CREB3L2: variants seen among roughly 807,000 people sequenced by gnomAD.
CREB3L2 encodes cyclic AMP-responsive element-binding protein 3-like protein 2.
CREB3L2 carries 23 observed loss-of-function variants against 57.2 expected under a neutral mutation model. The observed-to-expected ratio is 0.40, with a 90% CI of 0.29 to 0.57. The LOEUF (loss-of-function observed/expected upper bound fraction) is 0.57. CREB3L2 is among the 20% of genes least tolerant of loss of function. The probability of loss-of-function intolerance (pLI) is 0.42; values close to 1 mark genes in which losing one functional copy is unlikely to be tolerated. For missense variants in CREB3L2, 628 were observed against 634.7 expected (o/e 0.99, Z 0.11); for synonymous variants, 268 against 265.1 (o/e 1.01, Z -0.11).
In CREB3L2 at chr7:137,932,778, T is replaced by C. The variant is rs568909446; in HGVS notation, c.103-4412A>G. On this transcript the variant is annotated intron_variant, in intron 1 of 11. Transcript: ENST00000330387. Reference sequence around the variant, plus strand: ...GAAGATTCAAGGATTTTGCAGCTACTGTGTGTTAAACTTCAGACAGACGCT... The same window carrying C: ...GAAGATTCAAGGATTTTGCAGCTACCGTGTGTTAAACTTCAGACAGACGCT... 2.3e-4 allele frequency among the ~76,000 whole-genome samples: 35 copies of C among 152,352 alleles called. No homozygotes were observed. The East Asian group carries it at 2.5e-3, about 11-fold the overall frequency.
intron 1 of CREB3L2, among the ~76,000 whole-genome samples, chr7:137,930,378 G>A (rs187302684): frequency 6.6e-6 from 1 of 152,308 alleles, no homozygotes; most frequent in East Asian, 1.9e-4. Flanking sequence ...GGCAAATAAT[G>A]AGGCTTGGGG....
intron 1 of CREB3L2, among the ~76,000 whole-genome samples, chr7:137,942,888 T>C (rs1800900718): frequency 6.6e-6 from 1 of 152,158 alleles, no homozygotes; most frequent in Admixed American, 6.5e-5. Context: ...CTGTTACCTA[T>C]AAAGCCAATG....
In CREB3L2 at chr7:137,928,381, G is replaced by A; in HGVS notation, c.103-15C>T. The A allele has an allele frequency of 6.2e-7, 1 of 1,606,554 alleles. No homozygotes were observed. The highest frequency in any genetic ancestry group is 8.5e-7 in the Non-Finnish European group (1 of 1,173,920). On this transcript the variant is annotated splice_polypyrimidine_tract_variant and intron_variant, in intron 1 of 11. Coordinates refer to ENST00000330387, the MANE Select transcript of CREB3L2 (RefSeq NM_194071.4). ...TCTGAGAAGTGCTACAAGAAACAAA[G>A]GAGGAAGAACTCAGTTTCTCTTAAC...
At chr7:137,963,014 C>G (rs975276595) in intron 1 of CREB3L2, among the ~76,000 whole-genome samples, 2 of 151,994 alleles carry the variant, frequency 1.3e-5, no homozygotes, top group African/African-American at 4.8e-5. Context: ...CCCAGCAGTC[C>G]CTCTCAGCTT....
chr7:137,962,070 A>T (rs1466288821), intron 1 of CREB3L2, among the ~76,000 whole-genome samples: 1 of 152,156 alleles, frequency 6.6e-6, no homozygotes, highest in African/African-American at 2.4e-5. Flanking sequence ...CGAAGTCAGG[A>T]CCAATGTCAG....
intron 1 of CREB3L2, among the ~76,000 whole-genome samples, chr7:137,972,732 TATATAG>T (rs1386224533): frequency 1.1e-3 from 29 of 26,798 alleles, no homozygotes; most frequent in African/African-American, 2.0e-3. Flanking sequence ...TATATATATA[TATATAG>T]AGAGAGAGAG....
chr7:137,905,244 T>A (rs1799859418), intron 6 of CREB3L2, among the ~76,000 whole-genome samples: 1 of 149,828 alleles, frequency 6.7e-6, no homozygotes, highest in Non-Finnish European at 1.5e-5. Context: ...AAAAAAAAAA[T>A]TAACCAAGCA....
chr7:137,979,513 CAGG>C (rs1801674569), intron 1 of CREB3L2, among the ~76,000 whole-genome samples: 2 of 152,264 alleles, frequency 1.3e-5, no homozygotes, highest in East Asian at 3.9e-4. Flanking sequence ...ATCACGAGGT[CAGG>C]AGATCGAGAC....
At chr7:137,983,710 T>C (rs1432664234) in intron 1 of CREB3L2, among the ~76,000 whole-genome samples, 2 of 152,238 alleles carry the variant, frequency 1.3e-5, no homozygotes, top group African/African-American at 2.4e-5. Context: ...TCTTCATTGT[T>C]CGCATACCTC....
chr7:137,986,182 G>A lies in CREB3L2; in HGVS notation c.102+15422C>T, dbSNP rs142102045. Among the ~76,000 whole-genome samples the A allele has an allele frequency of 2.3e-4, 35 of 152,338 alleles. No individual in the cohort carries two copies. In the East Asian group the frequency reaches 6.0e-3, roughly 26 times the overall value. ...ATTGTAAGCCTAGACTCATTCATTT[G>A]TTCATCCATTCATTCACCAAACATT... On this transcript the variant is annotated intron_variant, in intron 1 of 11. Coordinates refer to ENST00000330387, the MANE Select transcript of CREB3L2 (RefSeq NM_194071.4).
At chr7:137,985,981 T>G (rs2117320907) in intron 1 of CREB3L2, among the ~76,000 whole-genome samples, 1 of 152,320 alleles carries the variant, frequency 6.6e-6, no homozygotes, top group Middle Eastern at 3.4e-3. Flanking sequence ...ATTTTCTTCC[T>G]AGGCCTCTCA....
At chr7:137,948,575 G>A (rs1452783183) in intron 1 of CREB3L2, among the ~76,000 whole-genome samples, 1 of 152,150 alleles carries the variant, frequency 6.6e-6, no homozygotes, top group Non-Finnish European at 1.5e-5. Context: ...TTAACAGAAG[G>A]AAACAGGATA....
chr7:137,892,067 T>C (rs1328039512), intron 8 of CREB3L2, among the ~76,000 whole-genome samples: 1 of 152,188 alleles, frequency 6.6e-6, no homozygotes. Flanking sequence ...GAGCAGTCAT[T>C]TCCAAATTCC....
intron 1 of CREB3L2, among the ~76,000 whole-genome samples, chr7:137,977,721 G>A (rs1205670567): frequency 6.6e-6 from 1 of 152,124 alleles, no homozygotes; most frequent in Non-Finnish European, 1.5e-5. Flanking sequence ...AGGAGTTCGA[G>A]GCCAGCCTGG....
chr7:138,001,635 GGCTCTGACA>G lies in CREB3L2; in HGVS notation c.62_70del (p.Leu21_Glu23del). On this transcript the variant is annotated inframe_deletion, in exon 1 of 12. Coordinates refer to ENST00000330387, the MANE Select transcript of CREB3L2 (RefSeq NM_194071.4). The surrounding 1 kb of genome is among the most constrained non-coding windows in gnomAD (Gnocchi z 4.2). ...GTACATGAGGGCCTCGCCGTCCCCG[GGCTCTGACA>G]GCTCGCTCAGCTTGCGGTCCCACTG... 1 of 1,613,402 alleles carries G rather than the reference GGCTCTGACA, an allele frequency of 6.2e-7. No homozygotes were observed. Among genetic ancestry groups the G allele is most frequent in the Non-Finnish European group, 8.5e-7 (1 of 1,179,762 alleles).
chr7:137,958,194 A>G (rs1223373391), intron 1 of CREB3L2, among the ~76,000 whole-genome samples: 1 of 152,238 alleles, frequency 6.6e-6, no homozygotes, highest in Non-Finnish European at 1.5e-5. Context: ...TACCCAAGGC[A>G]CACAAGCCCA....
chr7:137,884,901 G>C, intron 10 of CREB3L2, 94 bp downstream of exon 10: 1 of 1,527,984 alleles, frequency 6.5e-7, no homozygotes, highest in Non-Finnish European at 9.1e-7. Flanking sequence ...TTTAAACATT[G>C]GACTTTCACA....
Position 137,946,288 on chromosome 7 carries a change from T to A in CREB3L2, c.103-17922A>T, listed in dbSNP as rs191579216. Among the ~76,000 whole-genome samples, 555 of 152,270 alleles carry A rather than the reference T, an allele frequency of 3.6e-3. 2 individuals carry two copies. The highest frequency in any genetic ancestry group is 5.4e-3 in the Non-Finnish European group (368 of 68,028). ...TTGAAGGTCTCAATTCAGTTGACTC[T>A]GAGTTCATCAAAACGGAGATTATCC... On this transcript the variant is annotated intron_variant, in intron 1 of 11. Coordinates refer to ENST00000330387, the MANE Select transcript of CREB3L2 (RefSeq NM_194071.4).
At position 137,893,141 on chromosome 7, in the gene CREB3L2, C is replaced by A. The variant is rs78086217; in HGVS notation, c.1044-7639G>T. Among the ~76,000 whole-genome samples the A allele has an allele frequency of 3.8e-4, 58 of 152,150 alleles. No individual in the cohort carries two copies. The East Asian group carries it at 0.011, about 29-fold the overall frequency. ...TTAATTGCTACATTACAAGAGGCTT[C>A]TTTATTTTGTAGGAACCAGAGGGCA... On this transcript the variant is annotated intron_variant, in intron 8 of 11. Coordinates refer to ENST00000330387, the MANE Select transcript of CREB3L2 (RefSeq NM_194071.4).
Sources: gnomAD v4.1 joint callset for allele counts (sites outside exome capture counted in the v4.1 genomes callset) on GRCh38, gnomAD v4.1.1 for gene constraint, Gnocchi (gnomAD v3.1) non-coding constraint, MANE v1.5 for transcripts, NCBI Gene and HGNC (gene_info 2026-07-23, HGNC 2026-07-21) for gene names.